ASH1L: variants seen among roughly 807,000 people sequenced by gnomAD.
The protein encoded by ASH1L is histone-lysine N-methyltransferase ASH1L.
Under a neutral mutation model 269.0 loss-of-function variants are expected in ASH1L, and 23 were observed. The ratio of observed to expected loss-of-function variants is 0.09; its 90% confidence interval spans 0.06 to 0.12. The LOEUF (loss-of-function observed/expected upper bound fraction) is 0.12, where lower values mean the gene tolerates loss of function less well. ASH1L is among the 10% of genes least tolerant of loss of function. The pLI is 1.00. For missense variants in ASH1L, 2,912 were observed against 3,567.8 expected (o/e 0.82, Z 4.68); for synonymous variants, 1,187 against 1,253.5 (o/e 0.95, Z 1.12).
rs186116561 is a variant in ASH1L at position 155,378,707 on chromosome 1, T to C, written c.6178-159A>G. On this transcript the variant is annotated intron_variant, in intron 8 of 27. Coordinates refer to ENST00000392403, the MANE Select transcript of ASH1L (RefSeq NM_018489.3). Reference sequence around the variant, plus strand: ...GGATACATTTGAGGGAAACTCTTGGTGTGATCTCTTTTTACTCTGAAATAA... The same window carrying C: ...GGATACATTTGAGGGAAACTCTTGGCGTGATCTCTTTTTACTCTGAAATAA... Among the ~76,000 whole-genome samples the C allele has an allele frequency of 7.2e-5, 11 of 152,332 alleles. No homozygotes were observed. The East Asian group carries it at 2.1e-3, about 29-fold the overall frequency.
intron 15 of ASH1L, among the ~76,000 whole-genome samples, 178 bp from the exon 16 acceptor site, chr1:155,354,808 C>T (rs1246678759): frequency 6.6e-6 from 1 of 152,126 alleles, no homozygotes; most frequent in Non-Finnish European, 1.5e-5. Flanking sequence ...TTACATAAAA[C>T]ACATAATATT....
At chr1:155,375,439 G>A (rs776396375) in intron 10 of ASH1L, among the ~76,000 whole-genome samples, 19 of 152,146 alleles carry the variant, frequency 1.2e-4, no homozygotes, top group Non-Finnish European at 2.2e-4. Context: ...TACAATGTGA[G>A]GTCTTTGATT....
Position 155,478,420 on chromosome 1 carries a change from T to G in ASH1L, c.4450A>C (p.Arg1484=), listed in dbSNP as rs777099998. Residue 1484 remains arginine, a synonymous_variant, in exon 3 of 28, where the codon AGG becomes CGG. Coordinates refer to ENST00000392403, the MANE Select transcript of ASH1L (RefSeq NM_018489.3). This position sits in a 1 kb window ranked among gnomAD's most constrained non-coding sequence, Gnocchi z 4.6. ...AYGWMVEHKH[R]HRHKHREHRS... ...TGTTCTCTGTGTTTGTGACGGTGCC[T>G]GTGTTTGTGCTCAACCATCCAACCA... The G allele has an allele frequency of 6.2e-7, 1 of 1,614,104 alleles. No homozygotes were observed. The highest frequency in any genetic ancestry group is 1.1e-5 in the South Asian group (1 of 91,066).
intron 5 of ASH1L, among the ~76,000 whole-genome samples, chr1:155,420,174 A>T (rs1262018966): frequency 6.6e-6 from 1 of 151,832 alleles, no homozygotes; most frequent in Non-Finnish European, 1.5e-5. Context: ...AAAATACAAA[A>T]ATTAGCTGGG....
chr1:155,494,891 A>C (rs1444937609), intron 2 of ASH1L, among the ~76,000 whole-genome samples: 1 of 152,180 alleles, frequency 6.6e-6, no homozygotes, highest in Admixed American at 6.6e-5. Context: ...TTGTAACATT[A>C]AAGATCATGA....
chr1:155,448,688 G>T (rs562561683), intron 4 of ASH1L, among the ~76,000 whole-genome samples: 1 of 151,990 alleles, frequency 6.6e-6, no homozygotes, highest in Admixed American at 6.6e-5. Context: ...GTAGAGACTG[G>T]GTTTCACCAT....
chr1:155,501,237 C>G (rs1050885280), intron 2 of ASH1L, among the ~76,000 whole-genome samples: 2 of 152,140 alleles, frequency 1.3e-5, no homozygotes, highest in African/African-American at 4.8e-5. Flanking sequence ...GGTCTTGTTA[C>G]GTTGCCAAGG....
Position 155,338,176 on chromosome 1 carries a change from A to G in ASH1L, c.8716T>C (p.Cys2906Arg). The change falls in exon 27 of 28, where the codon TGT becomes CGT. Residue 2906 changes from cysteine (C) to arginine (R), a missense_variant. Coordinates refer to ENST00000392403, the MANE Select transcript of ASH1L (RefSeq NM_018489.3). Reference protein sequence around the residue: ...EESSQEPQSTCTPEERRHNQR... With the variant: ...EESSQEPQSTRTPEERRHNQR... ...TTATGCCGTCGTTCCTCAGGGGTAC[A>G]GGTTGACTGGGGTTCTTGACTACTT... 8 of 1,613,958 alleles carry G rather than the reference A, an allele frequency of 5.0e-6. No homozygotes were observed. Among genetic ancestry groups the G allele is most frequent in the Non-Finnish European group, 6.8e-6 (8 of 1,179,986 alleles).
chr1:155,546,068 G>A (rs1209815599), intron 1 of ASH1L, among the ~76,000 whole-genome samples: 2 of 148,946 alleles, frequency 1.3e-5, no homozygotes, highest in South Asian at 2.1e-4. Flanking sequence ...TGAGGCAGGA[G>A]AATCGCTTGA....
Position 155,478,758 on chromosome 1 carries a change from A to T in ASH1L, c.4112T>A (p.Phe1371Tyr), listed in dbSNP as rs752945605. The part of the protein sequence containing the change: ...AEMPFMHSLS[F>Y]PLSSTGFYPS... Reference sequence around the variant, plus strand: ...ATAGAATCCAGTACTAGAAAGAGGAAAACTAAGGCTGTGCATAAAAGGCAT... The same window carrying T: ...ATAGAATCCAGTACTAGAAAGAGGATAACTAAGGCTGTGCATAAAAGGCAT... The change falls in exon 3 of 28, where the codon TTT becomes TAT. Residue 1371 changes from phenylalanine to tyrosine, a missense_variant. Around this residue, in one of 13 missense-constraint regions of ASH1L, gnomAD observed 789 missense variants for 897.6 expected, o/e 0.88. Transcript: ENST00000392403. The surrounding 1 kb of genome is among the most constrained non-coding windows in gnomAD (Gnocchi z 4.6). 4.3e-6 allele frequency: 7 copies of T among 1,614,114 alleles called. No homozygotes were observed. The highest frequency in any genetic ancestry group is 5.9e-6 in the Non-Finnish European group (7 of 1,180,024).
chr1:155,497,587 G>C (rs561537523), intron 2 of ASH1L, among the ~76,000 whole-genome samples: 2 of 152,228 alleles, frequency 1.3e-5, no homozygotes, highest in East Asian at 3.9e-4. Context: ...TTATCGTTAA[G>C]GCTTCTGGTC....
chr1:155,378,189 A>T, intron 10 of ASH1L, 92 bp downstream of exon 10: 2 of 941,970 alleles, frequency 2.1e-6, no homozygotes, highest in Non-Finnish European at 3.3e-6. Flanking sequence ...CTTGAAAAAA[A>T]TCAAAGAGCC....
intron 2 of ASH1L, among the ~76,000 whole-genome samples, chr1:155,515,219 A>T (rs1355955174): frequency 6.6e-6 from 1 of 152,186 alleles, no homozygotes; most frequent in Non-Finnish European, 1.5e-5. Flanking sequence ...ACGCCTGACT[A>T]CATGTCACAC....
chr1:155,429,786 G>C (rs1313864311), intron 5 of ASH1L, among the ~76,000 whole-genome samples: 1 of 152,158 alleles, frequency 6.6e-6, no homozygotes, highest in East Asian at 1.9e-4. Context: ...CTTATGTTAT[G>C]TATTCTCTTG....
intron 5 of ASH1L, among the ~76,000 whole-genome samples, chr1:155,422,032 C>T (rs567196259): frequency 5.9e-5 from 9 of 152,320 alleles, no homozygotes; most frequent in Non-Finnish European, 7.4e-5. Flanking sequence ...CTCCCTCCAA[C>T]CCCTAATAAC....
At chr1:155,475,807 T>G (rs1482294539) in intron 3 of ASH1L, among the ~76,000 whole-genome samples, 1 of 152,222 alleles carries the variant, frequency 6.6e-6, no homozygotes, top group African/African-American at 2.4e-5. Flanking sequence ...GATCACCTTC[T>G]CAGGAAAGAC....
chr1:155,550,003 T>A (rs1279895100), intron 1 of ASH1L, among the ~76,000 whole-genome samples: 1 of 149,900 alleles, frequency 6.7e-6, no homozygotes, highest in Non-Finnish European at 1.5e-5. Context: ...CAATCAGCTG[T>A]TGCCTCAACT....
In ASH1L at chr1:155,479,457, A is replaced by G. The variant is rs1438603053; in HGVS notation, c.3413T>C (p.Leu1138Ser). The change falls in exon 3 of 28, where the codon TTA (leucine) becomes TCA (serine). Residue 1138 changes from leucine (L) to serine (S), a missense_variant. Physicochemically the swap from Leu to Ser is moderately radical, Grantham distance 145 (BLOSUM62 -2). This residue lies in a region of ASH1L where 157 missense variants were observed against 154.6 expected (regional missense o/e 1.02). Transcript: ENST00000392403. ...AATCATACTGCCCTGTCTGGAGTGT[A>G]AATGCAAATATGGCACTGAACTGGG... ...VEPSSVPYLH[L>S]HSRQGSMIQT... 1 of 1,614,206 alleles carries G rather than the reference A, an allele frequency of 6.2e-7. No individual in the cohort carries two copies. The highest frequency in any genetic ancestry group is 8.5e-7 in the Non-Finnish European group (1 of 1,180,028).
rs141784212 is a variant in ASH1L, at chr1:155,445,671, C to T, written c.5087-6603G>A. ...TCAGTCTGCCAGTTTATATTAAAAT[C>T]CTGTTGCAACTGTATTGAGTCCACT... is the stretch of plus-strand genomic sequence containing the variant. On this transcript the variant is annotated intron_variant, in intron 4 of 27. Coordinates refer to ENST00000392403, the MANE Select transcript of ASH1L (RefSeq NM_018489.3). Among the ~76,000 whole-genome samples the T allele has an allele frequency of 3.8e-3, 573 of 152,196 alleles. 5 individuals are homozygous for T. The highest frequency in any genetic ancestry group is 0.013 in the African/African-American group (549 of 41,530).
Sources: allele counts gnomAD v4.1 joint callset (sites outside exome capture counted in the v4.1 genomes callset), GRCh38; gene constraint gnomAD v4.1.1; regional missense constraint gnomAD v4.1.1; non-coding constraint Gnocchi (gnomAD v3.1); transcripts MANE v1.5; gene names NCBI Gene and HGNC (gene_info 2026-07-23, HGNC 2026-07-21).